The following PUDP variants were observed in gnomAD, a reference collection of about 807,000 sequenced individuals.
The protein encoded by PUDP is pseudouridine-5'-phosphatase.
A neutral mutation model predicts 9.4 loss-of-function variants in PUDP; 8 were observed. The observed-to-expected ratio is 0.85, with a 90% CI of 0.50 to 1.53. The LOEUF (loss-of-function observed/expected upper bound fraction) is 1.53. Among genes scored for constraint, PUDP ranks in the 40% most tolerant of loss-of-function variants. PUDP has a pLI of 0.00. For missense variants in PUDP, 188 were observed against 189.7 expected (o/e 0.99, Z 0.05); for synonymous variants, 99 against 80.7 (o/e 1.23, Z -1.22).
intron 2 of PUDP, chrX:7,084,732 C>G (rs1931213085): frequency 8.9e-6 from 1 of 111,757 alleles, no homozygotes; most frequent in Admixed American, 9.5e-5. Context: ...CACTCAGATT[C>G]TAGATTTTAA....
At chrX:6,772,140 C>G (rs1463252072) in intron 3 of PUDP, among the ~76,000 whole-genome samples, 2 of 112,362 alleles carry the variant, frequency 1.8e-5, no homozygotes, top group Non-Finnish European at 1.9e-5. Flanking sequence ...CACATCACTC[C>G]TCTTGCATTC....
At chrX:7,022,836 A>C (rs1929652339) in intron 1 of PUDP, among the ~76,000 whole-genome samples, 1 of 111,630 alleles carries the variant, frequency 9.0e-6, no homozygotes. Flanking sequence ...AACAAAATAT[A>C]TGAAAGAGTG....
At chrX:7,125,227 G>A (rs1432395154) in intron 1 of PUDP, among the ~76,000 whole-genome samples, 1 of 111,200 alleles carries the variant, frequency 9.0e-6, no homozygotes, top group Non-Finnish European at 1.9e-5. Flanking sequence ...TATTGCTACA[G>A]AATAACACAT....
At chrX:7,033,718 C>A (rs988988316) in intron 1 of PUDP, among the ~76,000 whole-genome samples, 4 of 111,130 alleles carry the variant, frequency 3.6e-5, no homozygotes, top group Non-Finnish European at 7.5e-5. Context: ...GTGGTGATGA[C>A]AAAGCTCAGG....
intron 3 of PUDP, among the ~76,000 whole-genome samples, chrX:6,760,931 A>G (rs1456482103): frequency 8.9e-6 from 1 of 112,420 alleles, no homozygotes; most frequent in African/African-American, 3.2e-5. Flanking sequence ...TGTGGACTAC[A>G]TAATTCTTAC....
chrX:6,865,934 A>ATTT (rs761596955), intron 3 of PUDP, among the ~76,000 whole-genome samples: 2 of 40,725 alleles, frequency 4.9e-5, no homozygotes, highest in Non-Finnish European at 9.2e-5. Context: ...AGTTAAAAAA[A>ATTT]ATTTAAGAGA....
At chrX:6,928,938 C>T (rs900582700) in intron 3 of PUDP, among the ~76,000 whole-genome samples, 1 of 111,753 alleles carries the variant, frequency 8.9e-6, no homozygotes, top group East Asian at 2.8e-4. Context: ...CATAGTTATC[C>T]TATCACTTTG....
At chrX:7,082,176 T>A (rs1425342782) in intron 2 of PUDP, among the ~76,000 whole-genome samples, 1 of 111,848 alleles carries the variant, frequency 8.9e-6, no homozygotes, top group Non-Finnish European at 1.9e-5. Context: ...AACAATCAGC[T>A]CACAGGACAC....
chrX:6,954,073 C>G (rs1057370932), intron 3 of PUDP, among the ~76,000 whole-genome samples: 2 of 110,299 alleles, frequency 1.8e-5, no homozygotes, highest in Non-Finnish European at 3.8e-5. Context: ...GTGTTTTCTT[C>G]CCCTTCTACC....
At chrX:7,038,134 T>TAA (rs35073248) in intron 1 of PUDP, among the ~76,000 whole-genome samples, 1 of 112,172 alleles carries the variant, frequency 8.9e-6, no homozygotes, top group Non-Finnish European at 1.9e-5. Flanking sequence ...TATATATATA[T>TAA]CCTTTTACCT....
chrX:6,818,194 G>T (rs918122309), intron 3 of PUDP, among the ~76,000 whole-genome samples: 6 of 111,993 alleles, frequency 5.4e-5, no homozygotes, highest in African/African-American at 1.9e-4. Context: ...AGGTTATTTT[G>T]AGCTCTTCCT....
intron 3 of PUDP, among the ~76,000 whole-genome samples, chrX:6,798,033 C>T (rs1457755266): frequency 2.7e-5 from 3 of 112,225 alleles, no homozygotes; most frequent in East Asian, 5.6e-4. Flanking sequence ...GGCACAATCC[C>T]ATTCTTCCAA....
chrX:6,747,219 T>C (rs1925009990), intron 3 of PUDP, among the ~76,000 whole-genome samples: 1 of 112,269 alleles, frequency 8.9e-6, no homozygotes, highest in Admixed American at 9.4e-5. Context: ...GAAGATATTA[T>C]GTTTCCCCTC....
chrX:6,930,252 G>T (rs987482135), intron 3 of PUDP, among the ~76,000 whole-genome samples: 1 of 110,827 alleles, frequency 9.0e-6, no homozygotes, highest in Admixed American at 9.6e-5. Flanking sequence ...AGGAGGTTAG[G>T]CATTCTTAGC....
chrX:6,722,739 C>G (rs1924688466), upstream of PUDP, among the ~76,000 whole-genome samples: 1 of 111,608 alleles, frequency 9.0e-6, no homozygotes. Flanking sequence ...AATAAGGAAA[C>G]AGAAGACTTA....
intron 1 of PUDP, among the ~76,000 whole-genome samples, chrX:6,714,993 A>G (rs780491211): frequency 3.0e-4 from 31 of 104,918 alleles, no homozygotes; most frequent in African/African-American, 4.9e-4. Flanking sequence ...ATATATATAT[A>G]TGTGTGTGTG....
intron 3 of PUDP, among the ~76,000 whole-genome samples, chrX:6,957,633 G>C (rs1928646462): frequency 8.9e-6 from 1 of 112,188 alleles, no homozygotes; most frequent in Admixed American, 9.5e-5. Context: ...ACTTAGAAGT[G>C]GGGTTGCTTC....
chrX:7,064,806 C>T (rs1216364764), intron 3 of PUDP, among the ~76,000 whole-genome samples: 1 of 111,792 alleles, frequency 8.9e-6, no homozygotes, highest in East Asian at 2.8e-4. Flanking sequence ...CTACAGAAAA[C>T]GTATTTTCTT....
At chrX:6,721,543 T>A (rs1440458032) in exon 1 of PUDP, 1 of 112,130 alleles carries the variant, frequency 8.9e-6, no homozygotes, top group Non-Finnish European at 1.9e-5. Flanking sequence ...AATGTTGTGG[T>A]TCTAAAAGAA....
Sources: gnomAD v4.1 joint callset for allele counts (sites outside exome capture counted in the v4.1 genomes callset) on GRCh38, gnomAD v4.1.1 for gene constraint, MANE v1.5 for transcripts, NCBI Gene and HGNC (gene_info 2026-07-23, HGNC 2026-07-21) for gene names.